Variants in LEPR observed in about 807,000 individuals in gnomAD.
The protein encoded by LEPR is leptin receptor, also known as OB receptor.
Under a neutral mutation model 114.7 loss-of-function variants are expected in LEPR, and 56 were observed. The observed-to-expected ratio is 0.49, with a 90% confidence interval of 0.39 to 0.61. LEPR has a LOEUF of 0.61. Among genes scored for constraint, LEPR ranks in the 20% least tolerant of loss-of-function variants. The pLI, the probability that LEPR is intolerant of heterozygous loss-of-function variation, is 0.00. For synonymous variants in LEPR, 443 were observed against 461.4 expected, an observed-to-expected ratio of 0.96 and a Z score of 0.51; for missense variants, 1,202 against 1,352.9, an observed-to-expected ratio of 0.89 and a Z score of 1.75.
At chr1:65,606,213 A>G (rs1160541953) in intron 11 of LEPR, among the ~76,000 whole-genome samples, 1 of 151,998 alleles carries the variant, frequency 6.6e-6, no homozygotes, top group East Asian at 1.9e-4. Context: ...TTCTCTCCCC[A>G]CTGTTTAATT....
At chr1:65,534,327 T>C (rs1347707146) in intron 2 of LEPR, among the ~76,000 whole-genome samples, 1 of 152,162 alleles carries the variant, frequency 6.6e-6, no homozygotes, top group Non-Finnish European at 1.5e-5. Context: ...AAGTTGAAAA[T>C]GAATACACTT....
intron 5 of LEPR, among the ~76,000 whole-genome samples, chr1:65,591,601 C>T (rs559663577): frequency 2.0e-5 from 3 of 152,048 alleles, no homozygotes; most frequent in Non-Finnish European, 4.4e-5. Flanking sequence ...GGAATATTCA[C>T]TGCTTTGAAA....
At chr1:65,539,906 A>C (rs1309418932) in intron 2 of LEPR, among the ~76,000 whole-genome samples, 3 of 152,062 alleles carry the variant, frequency 2.0e-5, no homozygotes, top group Non-Finnish European at 4.4e-5. Flanking sequence ...TCTGCATGGG[A>C]TTTTGGGTGT....
At position 65,605,205 on chromosome 1, in the gene LEPR, C is replaced by G; in HGVS notation, c.1571C>G (p.Ser524Cys). 2 of 1,614,144 alleles carry G rather than the reference C, an allele frequency of 1.2e-6. No individual in the cohort carries two copies. The highest frequency in any genetic ancestry group is 1.7e-6 in the Non-Finnish European group (2 of 1,180,024). ...RINHSLGSLD[S>C]PPTCVLPDSV... ...AATCACTCTCTAGGTTCACTTGACT[C>G]TCCACCAACATGTGTCCTTCCTGAT... Residue 524 changes from serine (S) to cysteine (C), a missense_variant, in exon 11 of 20, where the codon TCT becomes TGT. Ser to Cys is a moderately radical substitution (Grantham distance 112). Coordinates refer to ENST00000349533, the MANE Select transcript of LEPR (RefSeq NM_002303.6).
intron 2 of LEPR, among the ~76,000 whole-genome samples, chr1:65,454,977 C>G (rs1000033733): frequency 6.6e-6 from 1 of 152,102 alleles, no homozygotes; most frequent in African/African-American, 2.4e-5. Context: ...AGGCTTTGCT[C>G]GTTTCTTTTT....
intron 2 of LEPR, among the ~76,000 whole-genome samples, chr1:65,556,791 C>T (rs182450450): frequency 1.4e-4 from 21 of 152,152 alleles, no homozygotes; most frequent in East Asian, 1.9e-4. Flanking sequence ...CAGTGGATGA[C>T]GAGTGGGATC....
At chr1:65,511,690 T>G (rs534944854) in intron 2 of LEPR, among the ~76,000 whole-genome samples, 76 of 152,304 alleles carry the variant, frequency 5.0e-4, no homozygotes, top group African/African-American at 1.7e-3. Flanking sequence ...GGGTAATTTT[T>G]GTTCAGAAAA....
chr1:65,608,907 TTTTACTTAGAACTTCAGC>T lies in LEPR; in HGVS notation c.1752+10_1752+27del. On this transcript the variant is annotated splice_region_variant and intron_variant, in intron 12 of 19. Transcript: ENST00000349533. ...GAAAAGAAGTACAATGGAAGGTACC[TTTTACTTAGAACTTCAGC>T]TTTCCTCATTAAATGCTATTTTTAT... 6.2e-7 allele frequency: 1 copy of T among 1,613,356 alleles called. No homozygotes were observed. The highest frequency in any genetic ancestry group is 1.1e-5 in the South Asian group (1 of 90,996).
At chr1:65,634,459 A>G in intron 19 of LEPR, 1 of 961,352 alleles carries the variant, frequency 1.0e-6, no homozygotes, top group Non-Finnish European at 1.2e-6. Flanking sequence ...AAAGATGCAT[A>G]TAGTGAAATT....
chr1:65,450,120 TG>T (rs1336302553), intron 2 of LEPR, among the ~76,000 whole-genome samples: 2 of 152,208 alleles, frequency 1.3e-5, no homozygotes, highest in African/African-American at 2.4e-5. Context: ...TGAGAGCAGA[TG>T]TTGTTTTAAA....
chr1:65,585,027 A>G (rs1301061626), intron 5 of LEPR, among the ~76,000 whole-genome samples: 2 of 152,016 alleles, frequency 1.3e-5, no homozygotes, highest in African/African-American at 4.8e-5. Context: ...TTCAGAACAT[A>G]GATTGCTTAG....
At chr1:65,429,730 T>C (rs903610120) in intron 2 of LEPR, 7 of 743,770 alleles carry the variant, frequency 9.4e-6, no homozygotes, top group South Asian at 6.3e-5. Flanking sequence ...TCTTATGTTC[T>C]AATATTCACA....
chr1:65,595,053 A>G (rs1224624503), intron 6 of LEPR, among the ~76,000 whole-genome samples: 1 of 152,066 alleles, frequency 6.6e-6, no homozygotes, highest in Non-Finnish European at 1.5e-5. Context: ...CATGCATGCT[A>G]TGGAATGACT....
Position 65,584,166 on chromosome 1 carries a change from C to T in LEPR, c.495-8491C>T, listed in dbSNP as rs540729975. The stretch of plus-strand genomic sequence containing the variant: ...ACATCATTTATTTTATTACTGAAAT[C>T]GTCTTTCTTTCTAGCAGTATAAGAT... On this transcript the variant is annotated intron_variant, in intron 5 of 19. Coordinates refer to ENST00000349533, the MANE Select transcript of LEPR (RefSeq NM_002303.6). 9.2e-5 allele frequency among the ~76,000 whole-genome samples: 14 copies of T among 151,996 alleles called. No individual in the cohort carries two copies. In the South Asian group the frequency reaches 2.1e-3, roughly 23 times the overall value.
At chr1:65,436,646 T>A (rs1414439118) in intron 2 of LEPR, among the ~76,000 whole-genome samples, 4 of 152,240 alleles carry the variant, frequency 2.6e-5, no homozygotes, top group Non-Finnish European at 5.9e-5. Context: ...ACGAGGCACA[T>A]AGGCAAAGTG....
chr1:65,588,416 TA>T (rs1655465574), intron 5 of LEPR, among the ~76,000 whole-genome samples: 1 of 152,048 alleles, frequency 6.6e-6, no homozygotes, highest in East Asian at 1.9e-4. Context: ...TATTGAGGTA[TA>T]GTTGATATAT....
chr1:65,542,822 C>T (rs927065850), intron 2 of LEPR, among the ~76,000 whole-genome samples: 2 of 151,984 alleles, frequency 1.3e-5, no homozygotes, highest in Non-Finnish European at 2.9e-5. Flanking sequence ...CATAGTATTC[C>T]ATGGTGTATA....
chr1:65,589,450 A>G (rs1655538416), intron 5 of LEPR, among the ~76,000 whole-genome samples: 1 of 150,586 alleles, frequency 6.6e-6, no homozygotes, highest in East Asian at 1.9e-4. Flanking sequence ...TTGTTCTTTT[A>G]TGGATCATGC....
intron 18 of LEPR, 61 bp downstream of exon 18, chr1:65,621,519 A>C: frequency 7.3e-7 from 1 of 1,366,396 alleles, no homozygotes; most frequent in Admixed American, 1.7e-5. Context: ...TCAAACCCTG[A>C]TTTAAAACCT....
Sources: gnomAD v4.1 joint callset for allele counts (sites outside exome capture counted in the v4.1 genomes callset) on GRCh38, gnomAD v4.1.1 for gene constraint, MANE v1.5 for transcripts, NCBI Gene and HGNC (gene_info 2026-07-23, HGNC 2026-07-21) for gene names.